Variants in PPP2R2C observed in about 807,000 individuals in gnomAD.
PPP2R2C encodes the protein protein phosphatase 2, regulatory subunit B, gamma.
In PPP2R2C, 10 loss-of-function variants were observed where a neutral mutation model predicts 45.3. The observed-to-expected ratio is 0.22, with a 90% CI of 0.14 to 0.37. The LOEUF is 0.37. Among genes scored for constraint, PPP2R2C ranks in the 10% least tolerant of loss-of-function variants. The pLI is 1.00. For missense variants in PPP2R2C, 308 were observed against 619.7 expected (o/e 0.50, Z 5.34); for synonymous variants, 257 against 245.4 (o/e 1.05, Z -0.44).
chr4:6,440,848 T>C (rs1011735858), intron 1 of PPP2R2C, among the ~76,000 whole-genome samples: 3 of 152,042 alleles, frequency 2.0e-5, no homozygotes, highest in Non-Finnish European at 4.4e-5. Flanking sequence ...TGGAAGTGAT[T>C]AGGAAGTGTT....
At chr4:6,454,896 C>T (rs1453286950) in intron 1 of PPP2R2C, among the ~76,000 whole-genome samples, 1 of 152,212 alleles carries the variant, frequency 6.6e-6, no homozygotes, top group Non-Finnish European at 1.5e-5. Flanking sequence ...GGTAGCTTCC[C>T]TCCTCATCAC....
chr4:6,347,433 C>T (rs1195775807), intron 6 of PPP2R2C, among the ~76,000 whole-genome samples: 1 of 152,088 alleles, frequency 6.6e-6, no homozygotes, highest in Admixed American at 6.5e-5. Context: ...ATGGGCAGCC[C>T]ACAGCAAGTT....
chr4:6,535,952 C>T (rs935435218), intron 1 of PPP2R2C, among the ~76,000 whole-genome samples: 86 of 152,342 alleles, frequency 5.6e-4, no homozygotes, highest in African/African-American at 1.9e-3. Context: ...CCCCACGCTG[C>T]AGTCCACTGA....
chr4:6,470,297 C>A (rs1442589102), intron 1 of PPP2R2C, among the ~76,000 whole-genome samples: 2 of 152,164 alleles, frequency 1.3e-5, no homozygotes, highest in African/African-American at 4.8e-5. Context: ...GTAAATATCT[C>A]GTGTCTGGAT....
chr4:6,538,128 A>G (rs1220986446), intron 1 of PPP2R2C, among the ~76,000 whole-genome samples: 1 of 152,182 alleles, frequency 6.6e-6, no homozygotes, highest in East Asian at 1.9e-4. Context: ...TGTATATTTT[A>G]CCACATTAAA....
In PPP2R2C at chr4:6,324,587, G is replaced by C. The variant is rs1056943275; in HGVS notation, c.1053-994C>G. ...AACCACCAGGCCCTGCTTCCCTCCA[G>C]GGGCCCGCCTGTCCCGAGGACTCGG... On this transcript the variant is annotated intron_variant, in intron 8 of 8. Transcript: ENST00000382599. This position sits in a 1 kb window ranked among gnomAD's most constrained non-coding sequence, Gnocchi z 4.1. Among the ~76,000 whole-genome samples, 1 of 152,230 alleles carries C rather than the reference G, an allele frequency of 6.6e-6. No homozygotes were observed. The highest frequency in any genetic ancestry group is 1.5e-5 in the Non-Finnish European group (1 of 68,034).
chr4:6,503,270 C>T (rs1344668715), intron 2 of PPP2R2C, among the ~76,000 whole-genome samples: 1 of 152,192 alleles, frequency 6.6e-6, no homozygotes, highest in African/African-American at 2.4e-5. Flanking sequence ...CCTTTGCAGC[C>T]ACTGTTCCCT....
chr4:6,336,078 G>A (rs1732822946), intron 6 of PPP2R2C, among the ~76,000 whole-genome samples: 1 of 152,150 alleles, frequency 6.6e-6, no homozygotes, highest in South Asian at 2.1e-4. Flanking sequence ...GAAGGAGGGA[G>A]GGAGCCTAGT....
chr4:6,434,361 T>TTTC (rs1346116698), intron 1 of PPP2R2C, among the ~76,000 whole-genome samples: 430 of 137,962 alleles, frequency 3.1e-3, no homozygotes, highest in African/African-American at 9.8e-3. Flanking sequence ...TTTCTTTTCT[T>TTTC]TTTTTTTTTT....
At chr4:6,408,292 T>G (rs1717931482) in intron 1 of PPP2R2C, among the ~76,000 whole-genome samples, 1 of 152,220 alleles carries the variant, frequency 6.6e-6, no homozygotes, top group South Asian at 2.1e-4. Context: ...TTAGATGAGC[T>G]GATACTAACA....
At chr4:6,347,022 C>T (rs544390926) in intron 6 of PPP2R2C, among the ~76,000 whole-genome samples, 45 of 152,342 alleles carry the variant, frequency 3.0e-4, no homozygotes, top group Admixed American at 5.2e-4. Context: ...AGGAGGATGC[C>T]GTGGCCTGAT....
chr4:6,549,400 G>A (rs757324027), intron 1 of PPP2R2C, among the ~76,000 whole-genome samples: 32 of 152,144 alleles, frequency 2.1e-4, no homozygotes, highest in East Asian at 9.6e-4. Flanking sequence ...AGGGTGGTCC[G>A]GGGAGGCCTC....
chr4:6,424,122 AGGAAGGGGCTGCCCAG>A (rs1719142638), intron 1 of PPP2R2C, among the ~76,000 whole-genome samples: 2 of 152,294 alleles, frequency 1.3e-5, no homozygotes, highest in East Asian at 3.9e-4. Flanking sequence ...CCGGATTAGG[AGGAAGGGGCTGCCCAG>A]GGAAGGGGAA....
chr4:6,493,865 C>T (rs559856112), intron 2 of PPP2R2C, among the ~76,000 whole-genome samples: 4 of 152,286 alleles, frequency 2.6e-5, no homozygotes, highest in East Asian at 3.9e-4. Flanking sequence ...CACACAGCCT[C>T]GGTGTATTCT....
intron 1 of PPP2R2C, among the ~76,000 whole-genome samples, chr4:6,449,192 C>T (rs556319271): frequency 2.0e-5 from 3 of 152,330 alleles, no homozygotes; most frequent in African/African-American, 7.2e-5. Context: ...TTCAGATACA[C>T]TGGCACAGCT....
chr4:6,534,885 C>A (rs1007397685), intron 2 of PPP2R2C, among the ~76,000 whole-genome samples: 1 of 152,268 alleles, frequency 6.6e-6, no homozygotes, highest in Non-Finnish European at 1.5e-5. Context: ...CCCACTGCTG[C>A]GACCCCAGGG....
intron 1 of PPP2R2C, among the ~76,000 whole-genome samples, chr4:6,395,448 C>A (rs1230360832): frequency 1.3e-5 from 2 of 152,204 alleles, no homozygotes; most frequent in Non-Finnish European, 2.9e-5. Flanking sequence ...CACCCGGTGT[C>A]CAGGGTAAGG....
At chr4:6,418,090 T>C (rs1299454706) in intron 1 of PPP2R2C, among the ~76,000 whole-genome samples, 1 of 152,210 alleles carries the variant, frequency 6.6e-6, no homozygotes, top group Non-Finnish European at 1.5e-5. Context: ...CTTGCTTCTT[T>C]GGGCATGTGC....
chr4:6,506,888 C>T (rs941520988), intron 2 of PPP2R2C, among the ~76,000 whole-genome samples: 4 of 152,188 alleles, frequency 2.6e-5, no homozygotes, highest in African/African-American at 7.2e-5. Context: ...TATGGCCTCC[C>T]ATGTGGGTTG....
Sources: allele counts gnomAD v4.1 joint callset (sites outside exome capture counted in the v4.1 genomes callset), GRCh38; gene constraint gnomAD v4.1.1; non-coding constraint Gnocchi (gnomAD v3.1); transcripts MANE v1.5; gene names NCBI Gene and HGNC (gene_info 2026-07-23, HGNC 2026-07-21).